TMEM59L: variants seen among roughly 807,000 people sequenced by gnomAD.
The protein encoded by TMEM59L is transmembrane protein 59-like.
In TMEM59L, 31 loss-of-function variants were observed where a neutral mutation model predicts 39.6. The observed-to-expected ratio is 0.78, with a 90% CI of 0.59 to 1.06. The LOEUF (loss-of-function observed/expected upper bound fraction) is 1.06. Among genes scored for constraint, TMEM59L ranks in the 50% least tolerant of loss-of-function variants. TMEM59L has a pLI of 0.00. For synonymous variants in TMEM59L, 219 were observed against 202.9 expected, an observed-to-expected ratio of 1.08 and a Z score of -0.68; for missense variants, 441 against 451.3, an observed-to-expected ratio of 0.98 and a Z score of 0.21.
At chr19:18,615,891 A>G in intron 3 of TMEM59L, 84 bp from the exon 4 acceptor site, 1 of 1,516,724 alleles carries the variant, frequency 6.6e-7, no homozygotes, top group Admixed American at 1.9e-5. Flanking sequence ...TACAGGCGTG[A>G]GCCACCACAT....
Position 18,614,494 on chromosome 19 carries a change from G to A in TMEM59L, c.408+299G>A, listed in dbSNP as rs538536453. 2.0e-5 allele frequency among the ~76,000 whole-genome samples: 3 copies of A among 152,322 alleles called. No individual in the cohort carries two copies. The South Asian group carries it at 6.2e-4, about 32-fold the overall frequency. On this transcript the variant is annotated intron_variant, in intron 3 of 7. Coordinates refer to ENST00000262817, the MANE Select transcript of TMEM59L (RefSeq NM_012109.3). ...CCAAATGTTTTTGTGTCACTTGGAG[G>A]CACAAAGGACAATGTCACCCCCATT... is the stretch of plus-strand genomic sequence containing the variant.
intron 7 of TMEM59L, among the ~76,000 whole-genome samples, chr19:18,619,810 A>G (rs1976474198): frequency 6.6e-6 from 1 of 150,392 alleles, no homozygotes; most frequent in South Asian, 2.1e-4. Flanking sequence ...TCTCAAAAAA[A>G]AAAAAAAGAA....
At chr19:18,615,589 T>C (rs1976418672) in intron 3 of TMEM59L, among the ~76,000 whole-genome samples, 1 of 152,180 alleles carries the variant, frequency 6.6e-6, no homozygotes, top group Non-Finnish European at 1.5e-5. Flanking sequence ...TTCTCCTAGC[T>C]CCTCTCCTGT....
chr19:18,619,911 G>A (rs914409559), intron 7 of TMEM59L, among the ~76,000 whole-genome samples: 1 of 151,196 alleles, frequency 6.6e-6, no homozygotes, highest in Non-Finnish European at 1.5e-5. Flanking sequence ...CTGAGAGTTC[G>A]AAGCTGCAGT....
At chr19:18,617,676 C>T in intron 5 of TMEM59L, 1 of 452,426 alleles carries the variant, frequency 2.2e-6, no homozygotes, top group South Asian at 1.6e-5. Flanking sequence ...GTTCATCTCC[C>T]AGGGTTCTGT....
chr19:18,618,403 G>A lies in TMEM59L; in HGVS notation c.811G>A (p.Ala271Thr), dbSNP rs1405457260. Residue 271 changes from alanine to threonine, a missense_variant, in exon 7 of 8, where the codon GCC (alanine) becomes ACC (threonine). Transcript: ENST00000262817. ...CTCGGGTCTGCCTCGCTGGATCCTG[G>A]CCTGCTGCCTCTTCCTCTCCGTGCT... ...RRSGLPRWILACCLFLSVLVM... is the reference protein window; with the variant it reads ...RRSGLPRWILTCCLFLSVLVM... The A allele has an allele frequency of 6.2e-6, 10 of 1,607,038 alleles. No homozygotes were observed. Among genetic ancestry groups the A allele is most frequent in the Non-Finnish European group, 8.5e-6 (10 of 1,179,156 alleles).
At chr19:18,620,259 GCCACTGCA>G (rs1213120945) in intron 7 of TMEM59L, 141 bp from the exon 8 acceptor site, 2 of 670,746 alleles carry the variant, frequency 3.0e-6, no homozygotes, top group Non-Finnish European at 4.7e-6. Flanking sequence ...CTGAGATGGC[GCCACTGCA>G]CTCCAGCCTG....
chr19:18,620,368 C>T, intron 7 of TMEM59L, 40 bp from the exon 8 acceptor site: 1 of 1,574,378 alleles, frequency 6.4e-7, no homozygotes. Context: ...CTCGGCCTCT[C>T]CCCGTCCCTC....
Position 18,618,159 on chromosome 19 carries a change from T to C in TMEM59L, c.669T>C (p.Pro223=). 6.2e-7 allele frequency: 1 copy of C among 1,613,298 alleles called. No homozygotes were observed. The highest frequency in any genetic ancestry group is 8.5e-7 in the Non-Finnish European group (1 of 1,179,440). ...GAGTGGCAGCTGATCTCTCAGACCCTGTAGGCCCCCTGGACAAGGTGAGGA... is the reference window on the plus strand; with the variant it reads ...GAGTGGCAGCTGATCTCTCAGACCCCGTAGGCCCCCTGGACAAGGTGAGGA... ...HPEALEVHVD[P]VGPLDKVRKA... The change falls in exon 6 of 8, where the codon CCT becomes CCC. Residue 223 remains proline, a synonymous_variant. Transcript: ENST00000262817.
intron 7 of TMEM59L, among the ~76,000 whole-genome samples, chr19:18,618,774 A>G (rs981292898): frequency 1.3e-5 from 2 of 150,190 alleles, no homozygotes; most frequent in Admixed American, 1.3e-4. Context: ...GGCTCACTGC[A>G]ACCTCCACCT....
chr19:18,615,367 G>A (rs76315813), intron 3 of TMEM59L, among the ~76,000 whole-genome samples: 3,070 of 152,338 alleles, frequency 0.02, 43 homozygotes, highest in South Asian at 0.052. Context: ...CGCATTAAGT[G>A]CCTGTGCCGT....
chr19:18,616,966 C>G (rs1182655091), intron 4 of TMEM59L, 34 bp from the exon 5 acceptor site: 1 of 1,534,854 alleles, frequency 6.5e-7, no homozygotes, highest in South Asian at 1.2e-5. Flanking sequence ...GCTGTTCTCA[C>G]AAGCCTCTCT....
intron 3 of TMEM59L, among the ~76,000 whole-genome samples, chr19:18,615,681 C>G (rs1020742027): frequency 1.3e-5 from 2 of 152,226 alleles, no homozygotes; most frequent in African/African-American, 2.4e-5. Context: ...GATCTTGGCT[C>G]ACTGCAACCT....
chr19:18,617,202 C>T (rs766787668), intron 5 of TMEM59L, 100 bp downstream of exon 5: 1 of 888,502 alleles, frequency 1.1e-6, no homozygotes, highest in Non-Finnish European at 1.8e-6. Context: ...ATCTCCATCT[C>T]TCAAGTCCTG....
intron 7 of TMEM59L, among the ~76,000 whole-genome samples, chr19:18,618,845 C>A (rs1222190956): frequency 6.6e-6 from 1 of 151,610 alleles, no homozygotes; most frequent in African/African-American, 2.4e-5. Flanking sequence ...TGGGCGCGGG[C>A]CACCACACCC....
chr19:18,618,119 G>T, intron 5 of TMEM59L, 36 bp from the exon 6 acceptor site: 1 of 1,536,678 alleles, frequency 6.5e-7, no homozygotes, highest in Non-Finnish European at 9.0e-7. Flanking sequence ...TCTTAGCAAA[G>T]ACCTGGTGGT....
chr19:18,615,501 A>G (rs1056576358), intron 3 of TMEM59L, among the ~76,000 whole-genome samples: 1 of 152,232 alleles, frequency 6.6e-6, no homozygotes, highest in African/African-American at 2.4e-5. Context: ...CAGGAAGCCA[A>G]CTGCCACGCT....
chr19:18,614,892 C>T (rs1449357137), intron 3 of TMEM59L, among the ~76,000 whole-genome samples: 2 of 152,194 alleles, frequency 1.3e-5, no homozygotes, highest in Non-Finnish European at 2.9e-5. Context: ...TTCCCCACTT[C>T]CCCCATTTTC....
At position 18,620,691 on chromosome 19, in the gene TMEM59L, TCCTG is replaced by T; in HGVS notation, c.*156_*159del. The T allele has an allele frequency of 8.6e-7, 1 of 1,163,354 alleles. No individual in the cohort carries two copies. The highest frequency in any genetic ancestry group is 1.9e-5 in the South Asian group (1 of 51,466). 72.1% of individuals were successfully genotyped at this position (1,163,354 alleles called of 1,614,324 possible). A position where few individuals can be genotyped will look rare whatever the true frequency, so the allele number is the denominator to read the frequency against. On this transcript the variant is annotated 3_prime_UTR_variant, in exon 8 of 8. Transcript: ENST00000262817. ...CAGTCCCACCCCTTGCCCCACGGAG[TCCTG>T]GGGACGCAGTGCCCCAGCTGGGAAG...
Sources: allele counts gnomAD v4.1 joint callset (sites outside exome capture counted in the v4.1 genomes callset), GRCh38; gene constraint gnomAD v4.1.1; transcripts MANE v1.5; gene names NCBI Gene and HGNC (gene_info 2026-07-23, HGNC 2026-07-21).